PYHIN1: variants seen among roughly 807,000 people sequenced by gnomAD.
PYHIN1 encodes the protein pyrin and HIN domain-containing protein 1.
In PYHIN1, 32 loss-of-function variants were observed where a neutral mutation model predicts 43.7. The ratio of observed to expected loss-of-function variants is 0.73; its 90% confidence interval spans 0.55 to 0.98. PYHIN1 has a LOEUF of 0.98. Ranked by LOEUF, PYHIN1 falls within the 50% of genes least tolerant of loss-of-function variation. The pLI, the probability that PYHIN1 is intolerant of heterozygous loss-of-function variation, is 0.00. For synonymous variants in PYHIN1, 205 were observed against 203.1 expected, an observed-to-expected ratio of 1.01 and a Z score of -0.08; for missense variants, 588 against 589.5, an observed-to-expected ratio of 1.00 and a Z score of 0.03.
At chr1:158,986,538 A>T in the PYHIN1 span, among the ~76,000 whole-genome samples, 2 of 152,072 alleles carry the variant, frequency 1.3e-5, no homozygotes, top group African/African-American at 4.8e-5. Flanking sequence ...ATGCTGGCAA[A>T]AATGCTTTGG....
In PYHIN1 at chr1:158,931,768, C is replaced by T. The variant is rs541505182; in HGVS notation, c.-29C>T. On this transcript the variant is annotated 5_prime_UTR_variant, in exon 1 of 9. Coordinates refer to ENST00000368140, the MANE Select transcript of PYHIN1 (RefSeq NM_152501.5). ...GATCTGGACTACTGTTGAAGAAATT[C>T]CCAGTAAGGTGAGTACTGTGGGTAT... 1.4e-4 allele frequency: 21 copies of T among 152,250 alleles called. No homozygotes were observed. The highest frequency in any genetic ancestry group is 1.2e-3 in the Admixed American group (19 of 15,288). 9.4% of individuals were successfully genotyped at this position (152,250 alleles called of 1,614,324 possible).
At chr1:158,953,046 G>C (rs572887285) in intron 7 of PYHIN1, among the ~76,000 whole-genome samples, 14 of 152,192 alleles carry the variant, frequency 9.2e-5, no homozygotes, top group Admixed American at 9.2e-4. Context: ...TTTTCGGACC[G>C]GCTTAAAAAA....
chr1:158,969,650 G>T (rs546486755), intron 7 of PYHIN1, among the ~76,000 whole-genome samples: 2 of 152,002 alleles, frequency 1.3e-5, no homozygotes, highest in African/African-American at 4.8e-5. Context: ...TCTTACTTCA[G>T]GTGGTTAGAT....
intron 7 of PYHIN1, among the ~76,000 whole-genome samples, chr1:158,965,770 C>T (rs1303812381): frequency 6.6e-6 from 1 of 152,046 alleles, no homozygotes; most frequent in African/African-American, 2.4e-5. Flanking sequence ...GCACTAAGCG[C>T]TCACATCAAA....
chr1:158,945,153 T>A (rs1214552720), intron 7 of PYHIN1, 111 bp downstream of exon 7: 1 of 1,094,678 alleles, frequency 9.1e-7, no homozygotes, highest in Admixed American at 2.6e-5. Context: ...AATCTCTAGA[T>A]AAAATTAAAT....
chr1:158,960,395 A>T (rs983027647), intron 7 of PYHIN1, among the ~76,000 whole-genome samples: 8 of 152,234 alleles, frequency 5.3e-5, no homozygotes, highest in Non-Finnish European at 1.0e-4. Flanking sequence ...CAAAATCTTA[A>T]TCACAACCCT....
intron 7 of PYHIN1, among the ~76,000 whole-genome samples, chr1:158,960,061 C>T (rs1439280621): frequency 6.6e-6 from 1 of 152,222 alleles, no homozygotes; most frequent in African/African-American, 2.4e-5. Flanking sequence ...ACACCTCCAC[C>T]ACCTTATATA....
rs1195710887 is a variant in PYHIN1, at chr1:158,969,495, C to T, written c.1360-4152C>T. 6.6e-5 allele frequency among the ~76,000 whole-genome samples: 10 copies of T among 151,972 alleles called. 1 individual carries two copies. Among genetic ancestry groups the T allele is most frequent in the Non-Finnish European group, 1.3e-4 (9 of 67,918 alleles). On this transcript the variant is annotated intron_variant, in intron 7 of 8. Coordinates refer to ENST00000368140, the MANE Select transcript of PYHIN1 (RefSeq NM_152501.5). ...TGTGTACCAGTTGAAGACAGGACTC[C>T]TATGTAAGGAGTTCTCATTTTTACA...
chr1:158,985,145 C>T, the PYHIN1 span, among the ~76,000 whole-genome samples: 2 of 152,068 alleles, frequency 1.3e-5, no homozygotes, highest in African/African-American at 4.8e-5. Context: ...AGTGGTTAGC[C>T]TGCTTATGTT....
Position 158,961,943 on chromosome 1 carries a change from C to T in PYHIN1, c.1360-11704C>T, listed in dbSNP as rs1650346633. ...GACTCTAAGCCTCGCCTCCACTGCA[C>T]CTCACAGGATAAAGTCCACTAGCCT... On this transcript the variant is annotated intron_variant, in intron 7 of 8. Coordinates refer to ENST00000368140, the MANE Select transcript of PYHIN1 (RefSeq NM_152501.5). Among the ~76,000 whole-genome samples, 3 of 152,164 alleles carry T rather than the reference C, an allele frequency of 2.0e-5. No individual in the cohort carries two copies. In the South Asian group the frequency reaches 6.2e-4, roughly 31 times the overall value.
chr1:158,972,189 A>G (rs985594603), intron 7 of PYHIN1, among the ~76,000 whole-genome samples: 2 of 151,968 alleles, frequency 1.3e-5, no homozygotes, highest in African/African-American at 2.4e-5. Context: ...AAATTCAGTC[A>G]TCGGAGAACC....
chr1:158,972,679 C>A (rs1465531464), intron 7 of PYHIN1, among the ~76,000 whole-genome samples: 1 of 152,064 alleles, frequency 6.6e-6, no homozygotes, highest in East Asian at 1.9e-4. Context: ...TTGTTTCATA[C>A]ATGGTACTCC....
chr1:158,978,349 G>A (rs545485544), downstream of PYHIN1, among the ~76,000 whole-genome samples: 4 of 151,946 alleles, frequency 2.6e-5, no homozygotes, highest in South Asian at 8.3e-4. Context: ...ATGTTTTGAA[G>A]CCACCGAATT....
intron 7 of PYHIN1, among the ~76,000 whole-genome samples, chr1:158,952,305 C>A (rs111287051): frequency 6.6e-6 from 1 of 152,068 alleles, no homozygotes; most frequent in African/African-American, 2.4e-5. Flanking sequence ...GCTGCCGAGC[C>A]TTTCTTTCTA....
intron 5 of PYHIN1, among the ~76,000 whole-genome samples, chr1:158,943,542 G>A (rs536182768): frequency 4.2e-4 from 64 of 152,202 alleles, no homozygotes; most frequent in African/African-American, 1.4e-3. Context: ...GAAAGAAGTT[G>A]AAAATGGGAA....
chr1:158,976,152 T>C (rs1651244426), intron 8 of PYHIN1, among the ~76,000 whole-genome samples: 2 of 152,096 alleles, frequency 1.3e-5, no homozygotes, highest in Non-Finnish European at 2.9e-5. Flanking sequence ...TGACAAAGTT[T>C]ATGCTGTTTG....
Position 158,938,518 on chromosome 1 carries a change from A to T in PYHIN1, c.387A>T (p.Gly129=). 6.2e-7 allele frequency: 1 copy of T among 1,614,176 alleles called. No individual in the cohort carries two copies. The highest frequency in any genetic ancestry group is 8.5e-7 in the Non-Finnish European group (1 of 1,180,006). ...CAAGCAACCGTCTCACAGCTAAAGG[A>T]GCAGAGGAGACTCTTGGACCTCAGG... ...CTPSNRLTAK[G]AEETLGPQKR... The change falls in exon 3 of 9, where the codon GGA becomes GGT. Residue 129 remains glycine (G), a synonymous_variant. Coordinates refer to ENST00000368140, the MANE Select transcript of PYHIN1 (RefSeq NM_152501.5).
chr1:158,962,946 C>A (rs527898302), intron 7 of PYHIN1, among the ~76,000 whole-genome samples: 1 of 152,264 alleles, frequency 6.6e-6, no homozygotes, highest in South Asian at 2.1e-4. Flanking sequence ...GAAACAAAGA[C>A]CCCGAGAGTT....
intron 7 of PYHIN1, among the ~76,000 whole-genome samples, chr1:158,964,024 C>T (rs192740338): frequency 6.6e-6 from 1 of 151,972 alleles, no homozygotes; most frequent in East Asian, 1.9e-4. Flanking sequence ...GAAAAAATGG[C>T]CATCATAAAA....
Sources: allele counts gnomAD v4.1 joint callset (sites outside exome capture counted in the v4.1 genomes callset), GRCh38; gene constraint gnomAD v4.1.1; transcripts MANE v1.5; gene names NCBI Gene and HGNC (gene_info 2026-07-23, HGNC 2026-07-21).